CEMIP2: variants seen among roughly 807,000 people sequenced by gnomAD.
CEMIP2 encodes cell surface hyaluronidase CEMIP2.
In CEMIP2, 79 loss-of-function variants were observed where a neutral mutation model predicts 146.9. The observed-to-expected ratio is 0.54, with a 90% CI of 0.45 to 0.65. The LOEUF is 0.65. CEMIP2 is among the 30% of genes least tolerant of loss of function. The pLI is 0.00. For missense variants in CEMIP2, 1,596 were observed against 1,696.2 expected, an observed-to-expected ratio of 0.94 and a Z score of 1.04; for synonymous variants, 601 against 606.3, an observed-to-expected ratio of 0.99 and a Z score of 0.13.
intron 22 of CEMIP2, among the ~76,000 whole-genome samples, chr9:71,687,977 C>T (rs1401413542): frequency 3.3e-5 from 5 of 152,190 alleles, no homozygotes; most frequent in Admixed American, 3.3e-4. Context: ...CTGTCCTAGC[C>T]TCCTCAGTAG....
At chr9:71,735,779 T>C (rs1374357686) in intron 5 of CEMIP2, among the ~76,000 whole-genome samples, 1 of 151,960 alleles carries the variant, frequency 6.6e-6, no homozygotes, top group Non-Finnish European at 1.5e-5. Flanking sequence ...CAAGACCCTG[T>C]CTCAAAAATA....
At chr9:71,704,474 G>C (rs1822669000) in intron 18 of CEMIP2, 121 bp downstream of exon 18, 4 of 978,118 alleles carry the variant, frequency 4.1e-6, no homozygotes, top group African/African-American at 1.6e-5. Context: ...CTCCCCACAA[G>C]AGAAGCAAAG....
At chr9:71,715,851 C>A (rs1285425572) in intron 14 of CEMIP2, among the ~76,000 whole-genome samples, 1 of 151,564 alleles carries the variant, frequency 6.6e-6, no homozygotes, top group East Asian at 1.9e-4. Context: ...GTCTCAAACT[C>A]CTGGCTTTGA....
At chr9:71,717,870 C>T in intron 13 of CEMIP2, 78 bp downstream of exon 13, 2 of 1,366,980 alleles carry the variant, frequency 1.5e-6, no homozygotes, top group East Asian at 2.4e-5. Context: ...ACTGTGCTTT[C>T]ATGCTACTGG....
upstream of CEMIP2, chr9:71,768,612 C>T (rs916024012): frequency 6.6e-6 from 1 of 152,614 alleles, no homozygotes; most frequent in African/African-American, 2.4e-5. Flanking sequence ...CTCCTCCTGC[C>T]CCGAGCCTCG....
chr9:71,696,055 T>A (rs1039841804), intron 20 of CEMIP2, among the ~76,000 whole-genome samples: 10 of 152,186 alleles, frequency 6.6e-5, no homozygotes, highest in African/African-American at 1.9e-4. Context: ...CAATACATTT[T>A]AAAAAAATGA....
intron 15 of CEMIP2, 24 bp downstream of exon 15, chr9:71,714,910 C>G (rs769258519): frequency 1.2e-6 from 2 of 1,607,200 alleles, no homozygotes; most frequent in South Asian, 1.1e-5. Context: ...AAATTTAACA[C>G]TCCACAGCTA....
At chr9:71,700,888 C>G in intron 18 of CEMIP2, 64 bp from the exon 19 acceptor site, 1 of 1,414,374 alleles carries the variant, frequency 7.1e-7, no homozygotes, top group Non-Finnish European at 9.5e-7. Context: ...AGTACTATAG[C>G]GTATGCAGAT....
At chr9:71,691,422 A>AAAAG (rs1822223450) in intron 21 of CEMIP2, among the ~76,000 whole-genome samples, 2 of 150,726 alleles carry the variant, frequency 1.3e-5, no homozygotes, top group South Asian at 2.1e-4. Context: ...TGTCTCAGGA[A>AAAAG]AAAAAAAATA....
rs1277256604 is a variant in CEMIP2 at position 71,746,596 on chromosome 9, C to A, written c.332-255G>T. On this transcript the variant is annotated intron_variant, in intron 2 of 23. Coordinates refer to ENST00000377044, the MANE Select transcript of CEMIP2 (RefSeq NM_013390.3). ...GCATCTAGTTCAGGACAAACTTCAC[C>A]AAAAAAAAAAAAAAAAAAAAAAAGT... Among the ~76,000 whole-genome samples the A allele has an allele frequency of 1.1e-3, 84 of 75,102 alleles. No individual in the cohort carries two copies. The highest frequency in any genetic ancestry group is 2.5e-3 in the African/African-American group (47 of 18,536). 49.3% of individuals were successfully genotyped at this position (75,102 alleles called of 152,430 possible). A position where few individuals can be genotyped will look rare whatever the true frequency, so the allele number is the denominator to read the frequency against.
At chr9:71,727,921 C>T (rs1238235607) in intron 10 of CEMIP2, among the ~76,000 whole-genome samples, 5 of 151,884 alleles carry the variant, frequency 3.3e-5, no homozygotes, top group African/African-American at 7.3e-5. Flanking sequence ...ATTAGCCAGC[C>T]GTGGTGGCAG....
In CEMIP2 at chr9:71,689,431, A is replaced by G. The variant is rs1341227964; in HGVS notation, c.3851+661T>C. ...TGAGTTCATCTCCTTGCCTCCAGGC[A>G]GGGTCTCACCAACCCAGAAAAAGAA... On this transcript the variant is annotated intron_variant, in intron 22 of 23. Coordinates refer to ENST00000377044, the MANE Select transcript of CEMIP2 (RefSeq NM_013390.3). 2.6e-5 allele frequency among the ~76,000 whole-genome samples: 4 copies of G among 152,244 alleles called. No individual in the cohort carries two copies. In the East Asian group the frequency reaches 7.7e-4, roughly 29 times the overall value.
intron 8 of CEMIP2, 119 bp downstream of exon 8, chr9:71,730,586 G>T (rs751731131): frequency 2.8e-6 from 3 of 1,053,548 alleles, no homozygotes; most frequent in Non-Finnish European, 4.1e-6. Context: ...CTCAGAAAAG[G>T]CAGGATAGAG....
intron 2 of CEMIP2, among the ~76,000 whole-genome samples, chr9:71,749,519 A>C (rs556098494): frequency 6.6e-6 from 1 of 152,170 alleles, no homozygotes; most frequent in East Asian, 1.9e-4. Flanking sequence ...CAGCCTGGCC[A>C]ACATGGTGAA....
intron 21 of CEMIP2, among the ~76,000 whole-genome samples, chr9:71,694,290 C>A (rs956908187): frequency 2.0e-5 from 3 of 151,882 alleles, no homozygotes; most frequent in Non-Finnish European, 2.9e-5. Context: ...CTACGCCCAG[C>A]TAATTTTTTG....
At chr9:71,710,129 T>C (rs1258566230) in intron 16 of CEMIP2, among the ~76,000 whole-genome samples, 1 of 152,212 alleles carries the variant, frequency 6.6e-6, no homozygotes, top group Non-Finnish European at 1.5e-5. Flanking sequence ...CGCTCCTCAA[T>C]ACAGACCAAA....
intron 18 of CEMIP2, among the ~76,000 whole-genome samples, chr9:71,701,976 A>G (rs2131883262): frequency 1.3e-5 from 2 of 152,226 alleles, no homozygotes; most frequent in East Asian, 3.9e-4. Flanking sequence ...TTCTTCACAT[A>G]GCCAGGCGGA....
chr9:71,768,119 T>A (rs769169114), intron 1 of CEMIP2, among the ~76,000 whole-genome samples: 53 of 152,208 alleles, frequency 3.5e-4, no homozygotes, highest in Non-Finnish European at 6.3e-4. Flanking sequence ...AAGAGAGGAC[T>A]GACTCCTGGG....
chr9:71,715,661 T>A (rs959001790), intron 14 of CEMIP2, among the ~76,000 whole-genome samples: 10 of 130,930 alleles, frequency 7.6e-5, no homozygotes, highest in East Asian at 4.7e-4. Context: ...TTTTTTTTTT[T>A]AAAGAGACAG....
Sources: allele counts gnomAD v4.1 joint callset (sites outside exome capture counted in the v4.1 genomes callset), GRCh38; gene constraint gnomAD v4.1.1; transcripts MANE v1.5; gene names NCBI Gene and HGNC (gene_info 2026-07-23, HGNC 2026-07-21).